The following NEMF variants were observed in gnomAD, a reference collection of about 807,000 sequenced individuals.
The protein encoded by NEMF is ribosome quality control complex subunit NEMF.
Under a neutral mutation model 162.2 loss-of-function variants are expected in NEMF, and 89 were observed. That is an observed-to-expected ratio of 0.55 (90% CI 0.46 to 0.65). NEMF has a LOEUF of 0.65. Among genes scored for constraint, NEMF ranks in the 30% least tolerant of loss-of-function variants. NEMF has a pLI of 0.00. For synonymous variants in NEMF, 421 were observed against 404.5 expected, an observed-to-expected ratio of 1.04 and a Z score of -0.49; for missense variants, 1,133 against 1,261.9, an observed-to-expected ratio of 0.90 and a Z score of 1.55.
At chr14:49,808,393 T>C (rs558416740) in intron 18 of NEMF, among the ~76,000 whole-genome samples, 6 of 152,226 alleles carry the variant, frequency 3.9e-5, no homozygotes, top group African/African-American at 1.4e-4. Context: ...CAGGCTGGTC[T>C]CGAACTCTTG....
intron 6 of NEMF, among the ~76,000 whole-genome samples, chr14:49,835,350 AGGTTGGT>A (rs1346923589): frequency 4.6e-5 from 7 of 152,350 alleles, no homozygotes; most frequent in African/African-American, 1.7e-4. Flanking sequence ...CTGGAATGCA[AGGTTGGT>A]TTGGCAACCA....
In NEMF at chr14:49,800,771, A is replaced by G; in HGVS notation, c.2096-75T>C. 6 of 1,350,950 alleles carry G rather than the reference A, an allele frequency of 4.4e-6. No homozygotes were observed. The South Asian group carries it at 6.8e-5, about 15-fold the overall frequency. 83.7% of individuals were successfully genotyped at this position (1,350,950 alleles called of 1,614,324 possible). On this transcript the variant is annotated intron_variant, in intron 22 of 32. Coordinates refer to ENST00000298310, the MANE Select transcript of NEMF (RefSeq NM_004713.6). ...GGTGATTTCCTAAAAATGTCATAAA[A>G]ATATTCCACTGTTTCTCCCATATTT...
At position 49,799,374 on chromosome 14, in the gene NEMF, AAGG is replaced by A; in HGVS notation, c.2465+98_2465+100del. On this transcript the variant is annotated intron_variant, in intron 25 of 32. Coordinates refer to ENST00000298310, the MANE Select transcript of NEMF (RefSeq NM_004713.6). ...GTGCTAAATCTTGGTAAATTTAATG[AAGG>A]AAGTCTTTAAACAGCTAAGTAATCT... The A allele has an allele frequency of 1.1e-4, 5 of 44,188 alleles. No individual in the cohort carries two copies. The South Asian group carries it at 6.1e-3, about 54-fold the overall frequency. 2.7% of individuals were successfully genotyped at this position (44,188 alleles called of 1,614,324 possible).
rs373973077 is a variant in NEMF at position 49,852,720 on chromosome 14, C to T, written c.34G>A (p.Ala12Thr). Residue 12 changes from alanine (A) to threonine (T), a missense_variant, in exon 1 of 33, where the codon GCC becomes ACC. Around this residue, in one of 3 missense-constraint regions of NEMF, gnomAD observed 582 missense variants for 631.5 expected, o/e 0.92. Coordinates refer to ENST00000298310, the MANE Select transcript of NEMF (RefSeq NM_004713.6). ...KSRFSTIDLR[A>T]VLAELNASLL... ...CTAGCATTCAGCTCCGCGAGTACGG[C>T]GCGGAGGTCAATGGTGCTAAAGCGG... The T allele has an allele frequency of 6.2e-7, 1 of 1,614,248 alleles. No homozygotes were observed. Among genetic ancestry groups the T allele is most frequent in the Non-Finnish European group, 8.5e-7 (1 of 1,180,054 alleles).
intron 18 of NEMF, 128 bp from the exon 19 acceptor site, chr14:49,806,261 T>TATATATATAA (rs869221529): frequency 6.5e-5 from 2 of 30,866 alleles, no homozygotes; most frequent in African/African-American, 1.9e-4. Context: ...TATATATTTT[T>TATATATATAA]TTTTTTTTTT....
At position 49,802,456 on chromosome 14, in the gene NEMF, A is replaced by T. The variant is rs558739252; in HGVS notation, c.2092T>A (p.Leu698Ile). ...SELISEEMEQ[L>I]DGGDTSSDED... ...TTTCTTAAAATCTATAAACTACCTA[A>T]TTGTTCCATTTCTTCTGATATGAGT... The change falls in exon 22 of 33, where the codon TTA becomes ATA. Residue 698 changes from leucine (L) to isoleucine (I), a missense_variant. This residue lies in a region of NEMF where 532 missense variants were observed against 578.6 expected (regional missense o/e 0.92). Coordinates refer to ENST00000298310, the MANE Select transcript of NEMF (RefSeq NM_004713.6). 1 of 1,612,964 alleles carries T rather than the reference A, an allele frequency of 6.2e-7. No individual in the cohort carries two copies. Among genetic ancestry groups the T allele is most frequent in the Non-Finnish European group, 8.5e-7 (1 of 1,179,646 alleles).
At position 49,782,743 on chromosome 14, in the gene NEMF, A is replaced by G; in HGVS notation, c.*1893T>C. On this transcript the variant is annotated 3_prime_UTR_variant, in exon 33 of 33. Transcript: ENST00000298310. ...CCTATGAAAATCTTTGAAGAAAGAA[A>G]GAGGGATGTTTTATGTAGTTTTTCA... The G allele has an allele frequency of 6.8e-7, 1 of 1,477,726 alleles. No individual in the cohort carries two copies. Among genetic ancestry groups the G allele is most frequent in the African/African-American group, 1.4e-5 (1 of 71,180 alleles). The allele number at this position is 1,477,726 out of a possible 1,614,324, so 91.5% of individuals were successfully genotyped here. A position where few individuals can be genotyped will look rare whatever the true frequency, so the allele number is the denominator to read the frequency against.
intron 5 of NEMF, among the ~76,000 whole-genome samples, chr14:49,839,244 AT>A (rs201049701): frequency 9.7e-4 from 142 of 145,902 alleles, no homozygotes; most frequent in East Asian, 3.8e-3. Context: ...TGCCCGGCTA[AT>A]TTTTTTTTTT....
chr14:49,821,713 C>T (rs1268676296), intron 16 of NEMF, among the ~76,000 whole-genome samples: 1 of 144,778 alleles, frequency 6.9e-6, no homozygotes, highest in Non-Finnish European at 1.5e-5. Context: ...CCCGGCCAGC[C>T]GCCCCGTCCA....
intron 18 of NEMF, among the ~76,000 whole-genome samples, chr14:49,813,669 G>A (rs1264323618): frequency 4.5e-4 from 1 of 2,224 alleles, no homozygotes; most frequent in East Asian, 0.025. Context: ...TTAGGTGTGT[G>A]TGTGTGTGTG....
In NEMF at chr14:49,802,565, C is replaced by T; in HGVS notation, c.1983G>A (p.Glu661=). The T allele has an allele frequency of 6.2e-7, 1 of 1,613,858 alleles. No homozygotes were observed. Among genetic ancestry groups the T allele is most frequent in the Non-Finnish European group, 8.5e-7 (1 of 1,179,960 alleles). ...CACCCTGATGTCTCCAAACACAAGA[C>T]TCATCTACCTAAAGAAACAGTTATT... ...MGFSFLFKVD[E]SCVWRHQGER... The change falls in exon 22 of 33, where the codon GAG becomes GAA. Residue 661 remains glutamate, a synonymous_variant. Coordinates refer to ENST00000298310, the MANE Select transcript of NEMF (RefSeq NM_004713.6).
rs1019977903 is a variant in NEMF, at chr14:49,786,625, G to A, written c.2928+93C>T. ...CTTCGTAGCCTGCAGTCTTGTCTTA[G>A]GTTTCTAAGTTTTAATAAGTTGTGT... On this transcript the variant is annotated intron_variant, in intron 29 of 32. Coordinates refer to ENST00000298310, the MANE Select transcript of NEMF (RefSeq NM_004713.6). The A allele has an allele frequency of 3.4e-5, 43 of 1,258,722 alleles. No individual in the cohort carries two copies. The African/African-American group carries it at 4.8e-4, about 14-fold the overall frequency. The allele number at this position is 1,258,722 out of a possible 1,614,324, so 78.0% of individuals were successfully genotyped here. A position where few individuals can be genotyped will look rare whatever the true frequency, so the allele number is the denominator to read the frequency against.
chr14:49,851,945 T>A lies in NEMF; in HGVS notation c.60-70A>T, dbSNP rs114394959. 2,304 of 971,400 alleles carry A rather than the reference T, an allele frequency of 2.4e-3. 40 individuals are homozygous for A. The African/African-American group carries it at 0.033, about 14-fold the overall frequency. 60.2% of individuals were successfully genotyped at this position (971,400 alleles called of 1,614,324 possible). On this transcript the variant is annotated intron_variant, in intron 1 of 32. Transcript: ENST00000298310. ...AAACATAAAACTACACATAATTTAA[T>A]AAAAGCTTCGAAAGAGCGGATCTCA... is the stretch of plus-strand genomic sequence containing the variant.
intron 11 of NEMF, among the ~76,000 whole-genome samples, chr14:49,829,768 ATTCT>A (rs753852399): frequency 9.9e-5 from 15 of 152,186 alleles, no homozygotes; most frequent in Admixed American, 8.5e-4. Flanking sequence ...GGGAGAACGA[ATTCT>A]TTATTTTTTT....
At chr14:49,810,227 G>A (rs1009202766) in intron 18 of NEMF, among the ~76,000 whole-genome samples, 1 of 151,608 alleles carries the variant, frequency 6.6e-6, no homozygotes, top group Non-Finnish European at 1.5e-5. Flanking sequence ...AATTAGCCGG[G>A]CGTGGTGGAG....
At chr14:49,850,096 G>A (rs958366801) in intron 3 of NEMF, among the ~76,000 whole-genome samples, 2 of 152,086 alleles carry the variant, frequency 1.3e-5, no homozygotes, top group Non-Finnish European at 2.9e-5. Context: ...GTCAGGTATT[G>A]TTTCAGGTGC....
chr14:49,828,751 A>C lies in NEMF; in HGVS notation c.1289T>G (p.Val430Gly), dbSNP rs1317906496. 1.3e-6 allele frequency: 2 copies of C among 1,579,240 alleles called. No homozygotes were observed. Among genetic ancestry groups the C allele is most frequent in the South Asian group, 1.1e-5 (1 of 87,474 alleles). The change falls in exon 14 of 33, where the codon GTT (valine) becomes GGT (glycine). Residue 430 changes from valine (V) to glycine (G), a missense_variant. By Grantham distance (109) the Val-to-Gly change is moderately radical (BLOSUM62 -3). Transcript: ENST00000298310. ...TGGTGGTTCAGTTTCATTTTTCTCA[A>C]CATTGACGTCACCATCAACATCATC... Reference protein sequence around the residue: ...EDDDVDGDVNVEKNETEPPKG... With the variant: ...EDDDVDGDVNGEKNETEPPKG...
Position 49,782,263 on chromosome 14 carries a change from G to T in NEMF, c.*2373C>A. 1 of 672,570 alleles carries T rather than the reference G, an allele frequency of 1.5e-6. No individual in the cohort carries two copies. The highest frequency in any genetic ancestry group is 2.5e-6 in the Non-Finnish European group (1 of 393,632). 41.7% of individuals were successfully genotyped at this position (672,570 alleles called of 1,614,324 possible). On this transcript the variant is annotated 3_prime_UTR_variant, in exon 33 of 33. Transcript: ENST00000298310. The stretch of plus-strand genomic sequence containing the variant: ...ACTTCTCGCCATGATGTTTTGGTCT[G>T]AACTACCTTAAGATCGCTAGTCTTT...
intron 16 of NEMF, among the ~76,000 whole-genome samples, chr14:49,817,014 T>G (rs1412191318): frequency 1.3e-5 from 2 of 152,174 alleles, no homozygotes; most frequent in Non-Finnish European, 1.5e-5. Flanking sequence ...AACCCAAATA[T>G]ATCAGAGATT....
Sources: allele counts gnomAD v4.1 joint callset (sites outside exome capture counted in the v4.1 genomes callset), GRCh38; gene constraint gnomAD v4.1.1; regional missense constraint gnomAD v4.1.1; transcripts MANE v1.5; gene names NCBI Gene and HGNC (gene_info 2026-07-23, HGNC 2026-07-21).